RANBP2: variants seen among roughly 807,000 people sequenced by gnomAD.
RANBP2 encodes the protein RAN binding protein 2, also known as E3 SUMO-protein ligase RanBP2.
A neutral mutation model predicts 303.6 loss-of-function variants in RANBP2; 57 were observed. That is an observed-to-expected ratio of 0.19 (90% CI 0.15 to 0.23). RANBP2 has a LOEUF of 0.23. Among genes scored for constraint, RANBP2 ranks in the 10% least tolerant of loss-of-function variants. The pLI is 1.00. For synonymous variants in RANBP2, 1,167 were observed against 1,301.5 expected, an observed-to-expected ratio of 0.90 and a Z score of 2.23; for missense variants, 3,138 against 3,780.8, an observed-to-expected ratio of 0.83 and a Z score of 4.46.
the RANBP2 span, among the ~76,000 whole-genome samples, chr2:108,921,369 G>A: frequency 2.0e-5 from 3 of 152,324 alleles, no homozygotes; most frequent in Non-Finnish European, 4.4e-5. Flanking sequence ...CAAGTCTGAC[G>A]GTGGTTTGCG....
At chr2:109,611,627 G>A in the RANBP2 span, among the ~76,000 whole-genome samples, 17 of 151,796 alleles carry the variant, frequency 1.1e-4, no homozygotes, top group African/African-American at 4.1e-4. Context: ...GGCTGTGGTG[G>A]TGCACACCTA....
the RANBP2 span, among the ~76,000 whole-genome samples, chr2:108,875,323 A>T: frequency 1.4e-4 from 3 of 21,756 alleles, no homozygotes; most frequent in Non-Finnish European, 1.2e-3. Flanking sequence ...GTATAATAAA[A>T]AAAAAAAAAA....
At chr2:109,484,015 A>AGCCTCCTCAGTTGGC in the RANBP2 span, among the ~76,000 whole-genome samples, 2 of 148,136 alleles carry the variant, frequency 1.4e-5, no homozygotes, top group Non-Finnish European at 3.0e-5. Context: ...AGACAACCCC[A>AGCCTCCTCAGTTGGC]GCCTCCTCAG....
the RANBP2 span, among the ~76,000 whole-genome samples, chr2:109,261,081 G>A: frequency 4.7e-4 from 72 of 152,308 alleles, no homozygotes; most frequent in African/African-American, 1.6e-3. Flanking sequence ...TGTCTTACAC[G>A]GGTCCATTTC....
chr2:109,500,285 G>A, the RANBP2 span, among the ~76,000 whole-genome samples: 7 of 152,174 alleles, frequency 4.6e-5, no homozygotes, highest in East Asian at 1.9e-4. Context: ...GAGTGTGGTC[G>A]AGGAGAGAAC....
At chr2:109,348,549 G>T in the RANBP2 span, among the ~76,000 whole-genome samples, 1 of 152,202 alleles carries the variant, frequency 6.6e-6, no homozygotes, top group African/African-American at 2.4e-5. Flanking sequence ...GAAGAGACTG[G>T]TTCTGGCTGT....
the RANBP2 span, among the ~76,000 whole-genome samples, chr2:109,097,553 G>A: frequency 5.3e-5 from 8 of 151,768 alleles, no homozygotes; most frequent in African/African-American, 1.7e-4. Flanking sequence ...TTTATTTTGT[G>A]TATAGTGTGA....
chr2:108,984,207 C>A, the RANBP2 span, among the ~76,000 whole-genome samples: 10 of 152,148 alleles, frequency 6.6e-5, no homozygotes, highest in African/African-American at 2.4e-4. Flanking sequence ...CTGCTGCCTG[C>A]CCTTCCTGCC....
At chr2:109,774,505 T>TATATATAAA in the RANBP2 span, among the ~76,000 whole-genome samples, 3 of 32,092 alleles carry the variant, frequency 9.3e-5, 1 homozygote, top group Non-Finnish European at 1.4e-4. Context: ...CAAACATATA[T>TATATATAAA]ATATATATAA....
chr2:109,662,421 G>A, the RANBP2 span, among the ~76,000 whole-genome samples: 4 of 152,202 alleles, frequency 2.6e-5, no homozygotes, highest in Admixed American at 2.0e-4. Context: ...CAAGTAGCTG[G>A]GACTACAGGC....
the RANBP2 span, among the ~76,000 whole-genome samples, chr2:109,446,171 C>T: frequency 6.6e-6 from 1 of 152,184 alleles, no homozygotes; most frequent in Non-Finnish European, 1.5e-5. Context: ...CACTCTTCAC[C>T]AGCCAGTGTC....
chr2:109,392,184 A>G, the RANBP2 span, among the ~76,000 whole-genome samples: 1 of 152,344 alleles, frequency 6.6e-6, no homozygotes. Flanking sequence ...TCCAATAGTC[A>G]AGGGCATAGG....
At chr2:109,259,991 C>A in the RANBP2 span, among the ~76,000 whole-genome samples, 1 of 152,148 alleles carries the variant, frequency 6.6e-6, no homozygotes. Context: ...GTTCTCTTTT[C>A]TTCTCCGGCC....
the RANBP2 span, chr2:109,504,373 G>T: frequency 6.6e-6 from 1 of 152,276 alleles, no homozygotes; most frequent in Non-Finnish European, 1.5e-5. Flanking sequence ...CCTCTGCCCA[G>T]AGGGAGGCAG....
At chr2:109,453,498 T>TA in the RANBP2 span, among the ~76,000 whole-genome samples, 1 of 152,170 alleles carries the variant, frequency 6.6e-6, no homozygotes, top group Non-Finnish European at 1.5e-5. Context: ...ACCCTCAGGG[T>TA]ACCTAAGTCC....
the RANBP2 span, among the ~76,000 whole-genome samples, chr2:109,053,207 C>G: frequency 2.6e-5 from 4 of 152,224 alleles, no homozygotes; most frequent in Non-Finnish European, 5.9e-5. Flanking sequence ...AACATCTGCA[C>G]TTCCAAGGTT....
chr2:108,731,713 A>T, intron 4 of RANBP2: 2 of 749,982 alleles, frequency 2.7e-6, no homozygotes. Context: ...TAGGGATTTT[A>T]CAGTTTAGTA....
the RANBP2 span, among the ~76,000 whole-genome samples, chr2:109,299,105 C>T: frequency 6.6e-6 from 1 of 152,212 alleles, no homozygotes; most frequent in Non-Finnish European, 1.5e-5. Context: ...TCCCCCAGGG[C>T]ATTTGCAGAT....
chr2:109,071,323 C>T, the RANBP2 span, among the ~76,000 whole-genome samples: 1 of 152,166 alleles, frequency 6.6e-6, no homozygotes, highest in Non-Finnish European at 1.5e-5. Flanking sequence ...TTGGAGTATA[C>T]ATGCATGCAA....
Sources: gnomAD v4.1 joint callset for allele counts (sites outside exome capture counted in the v4.1 genomes callset) on GRCh38, gnomAD v4.1.1 for gene constraint, MANE v1.5 for transcripts, NCBI Gene and HGNC (gene_info 2026-07-23, HGNC 2026-07-21) for gene names.